The following EPB41L2 variants were observed in gnomAD, a reference collection of about 807,000 sequenced individuals.
EPB41L2 encodes erythrocyte membrane protein band 4.1 like 2.
Under a neutral mutation model 113.0 loss-of-function variants are expected in EPB41L2, and 43 were observed. The ratio of observed to expected loss-of-function variants is 0.38; its 90% CI spans 0.30 to 0.49. EPB41L2 has a LOEUF of 0.49. EPB41L2 is among the 20% of genes least tolerant of loss of function. The pLI is 0.95. For synonymous variants in EPB41L2, 442 were observed against 436.7 expected (o/e 1.01, Z -0.15); for missense variants, 1,147 against 1,223.4 (o/e 0.94, Z 0.93).
At chr6:130,852,536 T>C (rs1194421583) in intron 19 of EPB41L2, among the ~76,000 whole-genome samples, 1 of 152,172 alleles carries the variant, frequency 6.6e-6, no homozygotes, top group East Asian at 1.9e-4. Flanking sequence ...ATTCAAATTA[T>C]AGGTGCCAAC....
At chr6:131,017,894 G>T (rs1056858157) in intron 1 of EPB41L2, among the ~76,000 whole-genome samples, 7 of 152,154 alleles carry the variant, frequency 4.6e-5, no homozygotes, top group African/African-American at 9.7e-5. Flanking sequence ...GAGACTCAGG[G>T]TTATTGGCCA....
At chr6:130,967,282 G>A (rs1271198633) in intron 1 of EPB41L2, among the ~76,000 whole-genome samples, 2 of 130,088 alleles carry the variant, frequency 1.5e-5, no homozygotes, top group Admixed American at 1.5e-4. Flanking sequence ...CCTATATGGA[G>A]GGCTGATTAG....
At chr6:130,999,795 T>C (rs1200117153) in intron 1 of EPB41L2, among the ~76,000 whole-genome samples, 2 of 152,204 alleles carry the variant, frequency 1.3e-5, no homozygotes, top group African/African-American at 4.8e-5. Flanking sequence ...TAGCCAACCC[T>C]TTATTATGCA....
intron 1 of EPB41L2, among the ~76,000 whole-genome samples, chr6:131,015,568 C>T (rs532961041): frequency 6.6e-6 from 1 of 152,232 alleles, no homozygotes; most frequent in African/African-American, 2.4e-5. Flanking sequence ...ACTAAATGAG[C>T]AATTAAGGAA....
intron 1 of EPB41L2, among the ~76,000 whole-genome samples, chr6:131,042,993 T>A (rs1014295835): frequency 6.6e-6 from 1 of 152,130 alleles, no homozygotes; most frequent in Non-Finnish European, 1.5e-5. Flanking sequence ...ATTTTAAAAA[T>A]GAAGAACCAA....
Position 130,996,457 on chromosome 6 carries a change from A to G in EPB41L2, c.-14-39958T>C, listed in dbSNP as rs1017212595. ...GTTTCAAAGCCTTCTTAAGAGTTAT[A>G]ATATAGACTTGTTACACTTATATGA... On this transcript the variant is annotated intron_variant, in intron 1 of 19. Transcript: ENST00000337057. Among the ~76,000 whole-genome samples, 4 of 152,318 alleles carry G rather than the reference A, an allele frequency of 2.6e-5. No individual in the cohort carries two copies. The South Asian group carries it at 8.3e-4, about 32-fold the overall frequency.
At chr6:130,874,292 C>T (rs889129685) in intron 14 of EPB41L2, among the ~76,000 whole-genome samples, 2 of 151,166 alleles carry the variant, frequency 1.3e-5, no homozygotes, top group Non-Finnish European at 2.9e-5. Flanking sequence ...ACTATTCCTG[C>T]TTTTTTAAAA....
chr6:130,853,271 A>G (rs750209577), intron 19 of EPB41L2, among the ~76,000 whole-genome samples: 10 of 152,144 alleles, frequency 6.6e-5, no homozygotes, highest in Non-Finnish European at 1.0e-4. Context: ...CCTGACATCA[A>G]TTATTACTCT....
chr6:130,924,761 TAC>T (rs1384313056), intron 4 of EPB41L2, among the ~76,000 whole-genome samples: 1 of 152,200 alleles, frequency 6.6e-6, no homozygotes, highest in African/African-American at 2.4e-5. Flanking sequence ...CTACCCATAG[TAC>T]ACAGCATCTC....
At chr6:130,920,710 A>G (rs1802603450) in intron 4 of EPB41L2, among the ~76,000 whole-genome samples, 1 of 151,918 alleles carries the variant, frequency 6.6e-6, no homozygotes, top group South Asian at 2.1e-4. Context: ...GAGTCTCACT[A>G]TGTTGCCCAG....
At chr6:130,911,942 T>C (rs2128518335) in intron 4 of EPB41L2, among the ~76,000 whole-genome samples, 1 of 152,170 alleles carries the variant, frequency 6.6e-6, no homozygotes, top group Admixed American at 6.5e-5. Flanking sequence ...CGTGGCCTAT[T>C]AGGAACTGGG....
intron 1 of EPB41L2, among the ~76,000 whole-genome samples, chr6:131,022,305 G>A (rs910798775): frequency 2.0e-5 from 3 of 152,068 alleles, no homozygotes; most frequent in African/African-American, 7.2e-5. Flanking sequence ...TCCATGGCCT[G>A]GAGATTGGGA....
rs1457459389 is a variant in EPB41L2, at chr6:130,867,573, C to T, written c.2616G>A (p.Val872=). 6 of 1,613,600 alleles carry T rather than the reference C, an allele frequency of 3.7e-6. No individual in the cohort carries two copies. The Admixed American group carries it at 1.0e-4, about 27-fold the overall frequency. Residue 872 remains valine (V), a synonymous_variant, in exon 16 of 20, where the codon GTG becomes GTA. Coordinates refer to ENST00000337057, the MANE Select transcript of EPB41L2 (RefSeq NM_001431.4). The stretch of plus-strand genomic sequence containing the variant: ...AAATTGTTACCATCTCTGTTTTTAC[C>T]ACTGGTGGCTGAGGTGGAAAAGGAA... ...PQIICCSEPP[V]VKTEMVTISD... is the part of the protein sequence containing the mutation.
At chr6:130,843,526 G>A (rs1371541292) in intron 19 of EPB41L2, among the ~76,000 whole-genome samples, 1 of 152,160 alleles carries the variant, frequency 6.6e-6, no homozygotes, top group African/African-American at 2.4e-5. Flanking sequence ...AATTCAACCT[G>A]CTTTCACTTT....
rs1794259304 is a variant in EPB41L2, at chr6:130,895,181, CT to C, written c.1237-63del. The C allele has an allele frequency of 9.9e-6, 15 of 1,508,648 alleles. No homozygotes were observed. The South Asian group carries it at 2.0e-4, about 20-fold the overall frequency. The allele number at this position is 1,508,648 out of a possible 1,614,324, so 93.5% of individuals were successfully genotyped here. A position where few individuals can be genotyped will look rare whatever the true frequency, so the allele number is the denominator to read the frequency against. ...TGTGAAAGTTACACAAATCAAGAAG[CT>C]AATTAGCTCCCTCAAATCATGATCA... On this transcript the variant is annotated intron_variant, in intron 8 of 19. Transcript: ENST00000337057.
At chr6:130,977,334 C>A (rs1778409225) in intron 1 of EPB41L2, among the ~76,000 whole-genome samples, 2 of 129,428 alleles carry the variant, frequency 1.5e-5, no homozygotes, top group African/African-American at 6.5e-5. Context: ...GATGGGAAAT[C>A]TAAGGCCCAG....
intron 4 of EPB41L2, 115 bp from the exon 5 acceptor site, chr6:130,908,978 A>T: frequency 2.5e-6 from 2 of 797,582 alleles, no homozygotes; most frequent in Non-Finnish European, 3.9e-6. Flanking sequence ...TATTATTCAA[A>T]GCAACTTGCA....
chr6:130,857,395 T>C lies in EPB41L2; in HGVS notation c.*5+736A>G, dbSNP rs79038751. Among the ~76,000 whole-genome samples, 962 of 152,254 alleles carry C rather than the reference T, an allele frequency of 6.3e-3. 11 individuals carry two copies. The highest frequency in any genetic ancestry group is 0.022 in the African/African-American group (902 of 41,544). On this transcript the variant is annotated intron_variant, in intron 19 of 19. Transcript: ENST00000337057. ...TAATGACACAGTAGAGTTCTTAATA[T>C]ACTCAGGATACTATTCCTTTCTCTG... is the stretch of plus-strand genomic sequence containing the variant.
rs1200413443 is a variant in EPB41L2 at position 130,890,281 on chromosome 6, TA to T, written c.1660+12del. On this transcript the variant is annotated intron_variant, in intron 11 of 19. Transcript: ENST00000337057. The stretch of plus-strand genomic sequence containing the variant: ...AGATGAATGAAAATCAAAATTATCA[TA>T]AATGTGTTTACCTCCATCTAGACTC... 9.4e-6 allele frequency: 15 copies of T among 1,592,516 alleles called. No homozygotes were observed. The highest frequency in any genetic ancestry group is 1.3e-5 in the Non-Finnish European group (15 of 1,170,746).
Sources: gnomAD v4.1 joint callset for allele counts (sites outside exome capture counted in the v4.1 genomes callset) on GRCh38, gnomAD v4.1.1 for gene constraint, MANE v1.5 for transcripts, NCBI Gene and HGNC (gene_info 2026-07-23, HGNC 2026-07-21) for gene names.